Variants in MGST2 observed in about 807,000 individuals in gnomAD.
MGST2 encodes the protein glutathione peroxidase MGST2.
MGST2 carries 9 observed loss-of-function variants against 16.6 expected under a neutral mutation model. The observed-to-expected ratio is 0.54, with a 90% CI of 0.33 to 0.95. The LOEUF is 0.95. Ranked by LOEUF, MGST2 falls within the 40% of genes least tolerant of loss-of-function variation. The pLI is 0.03. For missense variants in MGST2, 159 were observed against 175.1 expected, an observed-to-expected ratio of 0.91 and a Z score of 0.52; for synonymous variants, 79 against 68.0, an observed-to-expected ratio of 1.16 and a Z score of -0.79.
chr4:139,723,011 A>G (rs866010463), intron 5 of MGST2, among the ~76,000 whole-genome samples: 5 of 152,386 alleles, frequency 3.3e-5, no homozygotes, highest in Middle Eastern at 3.4e-3. Flanking sequence ...GAAAATGCAA[A>G]GTGATCAGCC....
At position 139,666,081 on chromosome 4, in the gene MGST2, A is replaced by G; in HGVS notation, c.58+4A>G. On this transcript the variant is annotated splice_donor_region_variant and intron_variant, in intron 1 of 4. Coordinates refer to ENST00000265498, the MANE Select transcript of MGST2 (RefSeq NM_002413.5). ...ATTCTCTCGGCCTGTCAGCAAAGTA[A>G]GAGGCATGGGAAGTTCGTGTGTGTG... 1.2e-6 allele frequency: 2 copies of G among 1,611,698 alleles called. No individual in the cohort carries two copies. The highest frequency in any genetic ancestry group is 8.5e-7 in the Non-Finnish European group (1 of 1,179,868).
Position 139,665,836 on chromosome 4 carries a change from G to C in MGST2, c.-184G>C. ...CCAGCCCCATAAAGATCTGTGACCG[G>C]CAGCCCCAGACCTGCCTGCCTTCCT... On this transcript the variant is annotated 5_prime_UTR_variant, in exon 1 of 5. Coordinates refer to ENST00000265498, the MANE Select transcript of MGST2 (RefSeq NM_002413.5). 1.5e-6 allele frequency: 1 copy of C among 672,576 alleles called. No homozygotes were observed. The highest frequency in any genetic ancestry group is 2.7e-6 in the Non-Finnish European group (1 of 371,148). The allele number at this position is 672,576 out of a possible 1,614,324, so 41.7% of individuals were successfully genotyped here.
chr4:139,719,025 A>C, intron 5 of MGST2: 1 of 347,682 alleles, frequency 2.9e-6, no homozygotes, highest in East Asian at 5.5e-5. Context: ...ATCACAGGGC[A>C]TGCTGGGCAG....
the MGST2 span, among the ~76,000 whole-genome samples, chr4:139,751,751 G>A: frequency 6.6e-6 from 1 of 152,178 alleles, no homozygotes; most frequent in African/African-American, 2.4e-5. Flanking sequence ...GAGGAAAGAG[G>A]ACACTGGAAT....
At chr4:139,687,980 CTA>C (rs1369594630) in intron 2 of MGST2, among the ~76,000 whole-genome samples, 1 of 152,202 alleles carries the variant, frequency 6.6e-6, no homozygotes, top group African/African-American at 2.4e-5. Context: ...TTAGAAAATT[CTA>C]TCTCATCTAA....
At chr4:139,724,153 A>T (rs544038626) in intron 5 of MGST2, among the ~76,000 whole-genome samples, 1 of 152,316 alleles carries the variant, frequency 6.6e-6, no homozygotes, top group African/African-American at 2.4e-5. Flanking sequence ...CCCTGTGTCA[A>T]GGCCAAAGGA....
chr4:139,695,067 T>C, intron 2 of MGST2, 130 bp from the exon 3 acceptor site: 1 of 672,514 alleles, frequency 1.5e-6, no homozygotes, highest in Non-Finnish European at 2.6e-6. Context: ...AATGTAAAGG[T>C]CATTTAAACT....
At chr4:139,685,503 C>G (rs1731511762) in intron 2 of MGST2, 1 of 151,992 alleles carries the variant, frequency 6.6e-6, no homozygotes, top group Admixed American at 6.6e-5. Context: ...CTTTAACTAG[C>G]ATTTTAGTGA....
At chr4:139,719,409 C>T (rs187513501) in intron 5 of MGST2, 14 of 1,613,896 alleles carry the variant, frequency 8.7e-6, no homozygotes, top group East Asian at 4.5e-5. Flanking sequence ...AGGTCTGCAC[C>T]GTCCGGGAGG....
intron 5 of MGST2, among the ~76,000 whole-genome samples, chr4:139,714,416 T>C (rs913134329): frequency 6.6e-6 from 1 of 152,224 alleles, no homozygotes; most frequent in Non-Finnish European, 1.5e-5. Flanking sequence ...TTTGCCAGCA[T>C]GCTAAGCTTC....
intron 2 of MGST2, among the ~76,000 whole-genome samples, chr4:139,691,824 G>A (rs151060518): frequency 5.3e-5 from 8 of 151,950 alleles, no homozygotes; most frequent in African/African-American, 9.7e-5. Context: ...TTAGTCTCCC[G>A]AGTAACTGGG....
intron 2 of MGST2, among the ~76,000 whole-genome samples, chr4:139,682,473 G>A (rs1731301786): frequency 6.6e-6 from 1 of 152,110 alleles, no homozygotes; most frequent in Non-Finnish European, 1.5e-5. Flanking sequence ...GAGGTTAGGG[G>A]GCTGCAGGGA....
intron 2 of MGST2, chr4:139,678,900 G>C: frequency 3.6e-6 from 2 of 548,574 alleles, no homozygotes; most frequent in South Asian, 4.1e-5. Context: ...AGGGACTGCT[G>C]TGTCTCCCAA....
intron 1 of MGST2, among the ~76,000 whole-genome samples, chr4:139,672,870 A>T (rs565454866): frequency 6.6e-6 from 1 of 152,110 alleles, no homozygotes; most frequent in East Asian, 1.9e-4. Flanking sequence ...TACACACTTT[A>T]GATATTCAGT....
chr4:139,706,986 G>T (rs1579338345), downstream of MGST2, among the ~76,000 whole-genome samples: 1 of 152,140 alleles, frequency 6.6e-6, no homozygotes, highest in East Asian at 1.9e-4. Context: ...AAAAGTCAGT[G>T]TCAGGAAGTG....
At position 139,704,022 on chromosome 4, in the gene MGST2, C is replaced by A. The variant is rs776209490; in HGVS notation, c.318C>A (p.Thr106=). The A allele has an allele frequency of 1.2e-6, 2 of 1,614,102 alleles. No homozygotes were observed. Among genetic ancestry groups the A allele is most frequent in the Non-Finnish European group, 1.7e-6 (2 of 1,180,012 alleles). Residue 106 remains threonine, a synonymous_variant, in exon 5 of 5, where the codon ACC becomes ACA. Coordinates refer to ENST00000265498, the MANE Select transcript of MGST2 (RefSeq NM_002413.5). ...CCTCATGTCCACTCTGCAGGATCAC[C>A]GGTTTCCGACTGAGTCTGGGGATTT... ...GYSEAAKKRI[T]GFRLSLGILA...
intron 2 of MGST2, among the ~76,000 whole-genome samples, chr4:139,689,720 A>G (rs1477364139): frequency 1.3e-5 from 2 of 152,238 alleles, no homozygotes; most frequent in Non-Finnish European, 2.9e-5. Context: ...TTATTTAGAA[A>G]AAGATCTACT....
chr4:139,722,836 C>A (rs1030850083), intron 5 of MGST2, among the ~76,000 whole-genome samples: 1 of 152,166 alleles, frequency 6.6e-6, no homozygotes, highest in Non-Finnish European at 1.5e-5. Context: ...GCTATTTTCC[C>A]AGATGCATAA....
rs560829998 is a variant in MGST2, at chr4:139,730,617, G to A, written c.*49-9595G>A. 2.5e-5 allele frequency: 40 copies of A among 1,612,970 alleles called. No homozygotes were observed. In the East Asian group the frequency reaches 6.0e-4, roughly 24 times the overall value. Reference sequence around the variant, plus strand: ...CCATGCCACCTGAGCCTGGGGGCACGGAGGACTGCATGGGGCCTGTGGTTC... The same window carrying A: ...CCATGCCACCTGAGCCTGGGGGCACAGAGGACTGCATGGGGCCTGTGGTTC... On this transcript the variant is annotated intron_variant, in intron 5 of 5. Transcript: ENST00000616265.
Sources: allele counts gnomAD v4.1 joint callset (sites outside exome capture counted in the v4.1 genomes callset), GRCh38; gene constraint gnomAD v4.1.1; transcripts MANE v1.5; gene names NCBI Gene and HGNC (gene_info 2026-07-23, HGNC 2026-07-21).